The following DENND1A variants were observed in gnomAD, a reference collection of about 807,000 sequenced individuals.
DENND1A encodes DENN domain containing 1A.
Under a neutral mutation model 113.7 loss-of-function variants are expected in DENND1A, and 51 were observed. The observed-to-expected ratio is 0.45, with a 90% CI of 0.36 to 0.57. The LOEUF (loss-of-function observed/expected upper bound fraction) is 0.57, where lower values mean the gene tolerates loss of function less well. Among genes scored for constraint, DENND1A ranks in the 20% least tolerant of loss-of-function variants. The pLI is 0.00. For synonymous variants in DENND1A, 565 were observed against 570.8 expected, an observed-to-expected ratio of 0.99 and a Z score of 0.14; for missense variants, 1,258 against 1,395.9, an observed-to-expected ratio of 0.90 and a Z score of 1.57.
intron 5 of DENND1A, among the ~76,000 whole-genome samples, chr9:123,695,415 T>C (rs1433669375): frequency 6.6e-6 from 1 of 152,148 alleles, no homozygotes; most frequent in East Asian, 1.9e-4. Flanking sequence ...CTAACAAGGA[T>C]ACCAATTTTC....
At chr9:123,564,041 G>C (rs2057913237) in intron 12 of DENND1A, among the ~76,000 whole-genome samples, 1 of 152,120 alleles carries the variant, frequency 6.6e-6, no homozygotes, top group Non-Finnish European at 1.5e-5. Context: ...GCAGAGGAGG[G>C]AGGGCCTGTC....
At chr9:123,579,366 A>C (rs1330936061) in intron 12 of DENND1A, among the ~76,000 whole-genome samples, 1 of 152,158 alleles carries the variant, frequency 6.6e-6, no homozygotes, top group Non-Finnish European at 1.5e-5. Flanking sequence ...TTGAATCTCT[A>C]GGTAATGGGA....
intron 2 of DENND1A, among the ~76,000 whole-genome samples, chr9:123,817,225 GATT>G (rs992032134): frequency 7.2e-5 from 11 of 152,088 alleles, no homozygotes; most frequent in African/African-American, 2.2e-4. Context: ...CAAGATCAGA[GATT>G]ATTACCTTCC....
intron 3 of DENND1A, among the ~76,000 whole-genome samples, chr9:123,777,845 G>A (rs1451981129): frequency 6.6e-6 from 1 of 152,202 alleles, no homozygotes; most frequent in African/African-American, 2.4e-5. Context: ...GCTTTTGAGA[G>A]AGAATTATTT....
intron 16 of DENND1A, among the ~76,000 whole-genome samples, chr9:123,453,188 C>T (rs1247968104): frequency 1.3e-5 from 2 of 152,190 alleles, no homozygotes; most frequent in South Asian, 2.1e-4. Flanking sequence ...CCTTCCAAAA[C>T]CTCCAGCTGG....
chr9:123,730,607 C>A (rs913327744), intron 5 of DENND1A, among the ~76,000 whole-genome samples: 28 of 152,282 alleles, frequency 1.8e-4, no homozygotes, highest in African/African-American at 6.0e-4. Context: ...CAGGAAACAA[C>A]AGATGCAGGA....
In DENND1A at chr9:123,698,756, G is replaced by A. The variant is rs549877982; in HGVS notation, c.303-21967C>T. ...TGGCTCAAGCCACTGGCAACCAAAA[G>A]AACAGCTTGGCAGTTTGTGCACTGC... On this transcript the variant is annotated intron_variant, in intron 5 of 23. Transcript: ENST00000394215. Among the ~76,000 whole-genome samples the A allele has an allele frequency of 2.6e-5, 4 of 152,166 alleles. No homozygotes were observed. In the East Asian group the frequency reaches 7.7e-4, roughly 29 times the overall value.
intron 22 of DENND1A, among the ~76,000 whole-genome samples, chr9:123,384,522 A>G (rs576959071): frequency 5.9e-5 from 9 of 152,348 alleles, no homozygotes; most frequent in African/African-American, 2.2e-4. Context: ...TGGTGGTTAC[A>G]TGAGCAAATG....
chr9:123,582,705 TTTTTA>T (rs2058973120), intron 12 of DENND1A, among the ~76,000 whole-genome samples: 1 of 115,098 alleles, frequency 8.7e-6, no homozygotes, highest in Non-Finnish European at 2.0e-5. Flanking sequence ...GGCCATTTCT[TTTTTA>T]TTTTTTTGAG....
In DENND1A at chr9:123,381,474, G is replaced by C; in HGVS notation, c.3171C>G (p.Asp1057Glu). 1.2e-6 allele frequency: 2 copies of C among 1,613,590 alleles called. No individual in the cohort carries two copies. Among genetic ancestry groups the C allele is most frequent in the East Asian group, 4.5e-5 (2 of 44,864 alleles). ...SPSPALAPAP[D>E]SVEQLRKQWE... is the part of the protein sequence containing the mutation. Reference sequence around the variant, plus strand: ...ACTGCTTCCTGAGCTGCTCCACCGAGTCTGGGGCCGGGGCCAGGGCCGGAC... The same window carrying C: ...ACTGCTTCCTGAGCTGCTCCACCGACTCTGGGGCCGGGGCCAGGGCCGGAC... Residue 1057 changes from aspartate (D) to glutamate (E), a missense_variant, in exon 24 of 24, where the codon GAC becomes GAG. This residue lies in a region of DENND1A where 1,159 missense variants were observed against 1,231.7 expected (regional missense o/e 0.94). Coordinates refer to ENST00000394215, the MANE Select transcript of DENND1A (RefSeq NM_001352964.2). The surrounding 1 kb of genome is among the most constrained non-coding windows in gnomAD (Gnocchi z 4.7).
At chr9:123,842,024 T>A (rs556670744) in intron 2 of DENND1A, among the ~76,000 whole-genome samples, 1 of 152,342 alleles carries the variant, frequency 6.6e-6, no homozygotes, top group African/African-American at 2.4e-5. Context: ...GAAGAAATGT[T>A]TCATACCTCA....
chr9:123,809,069 G>C (rs947775244), intron 2 of DENND1A, among the ~76,000 whole-genome samples: 5 of 152,162 alleles, frequency 3.3e-5, no homozygotes, highest in Non-Finnish European at 7.3e-5. Context: ...CAGGGATGTG[G>C]GGAGACAGGA....
intron 17 of DENND1A, among the ~76,000 whole-genome samples, chr9:123,452,031 TCC>T (rs2047755128): frequency 1.1e-4 from 2 of 17,412 alleles, no homozygotes; most frequent in African/African-American, 2.3e-4. Flanking sequence ...GACCTGTCTC[TCC>T]AAAAAAAAAA....
intron 1 of DENND1A, among the ~76,000 whole-genome samples, chr9:123,916,669 G>C (rs534463116): frequency 6.6e-6 from 1 of 152,024 alleles, no homozygotes; most frequent in Non-Finnish European, 1.5e-5. Context: ...CACTGTGCCC[G>C]GCTGCCTTTT....
At chr9:123,414,350 T>C in intron 19 of DENND1A, 1 of 1,412,920 alleles carries the variant, frequency 7.1e-7, no homozygotes, top group Middle Eastern at 2.6e-4. Context: ...CTCCAGCCTC[T>C]CCCCCTCCCA....
chr9:123,737,810 A>G (rs1420475129), intron 5 of DENND1A, among the ~76,000 whole-genome samples: 1 of 152,180 alleles, frequency 6.6e-6, no homozygotes, highest in Non-Finnish European at 1.5e-5. Flanking sequence ...AAACAAAGAC[A>G]CCTGAATTCC....
intron 13 of DENND1A, among the ~76,000 whole-genome samples, chr9:123,516,471 T>C (rs1381773639): frequency 6.6e-6 from 1 of 152,176 alleles, no homozygotes; most frequent in Non-Finnish European, 1.5e-5. Flanking sequence ...TCAATGTCAC[T>C]AGTAATCAAG....
At chr9:123,470,679 G>A (rs191064037) in intron 13 of DENND1A, among the ~76,000 whole-genome samples, 10 of 152,276 alleles carry the variant, frequency 6.6e-5, no homozygotes, top group South Asian at 2.1e-4. Context: ...GCACAAATTC[G>A]TCTCCACAAA....
intron 19 of DENND1A, among the ~76,000 whole-genome samples, chr9:123,425,944 A>T (rs1197889338): frequency 2.0e-5 from 3 of 152,248 alleles, no homozygotes; most frequent in Non-Finnish European, 2.9e-5. Flanking sequence ...CCCAGTGCAG[A>T]TGCCCATGAA....
Sources: allele counts gnomAD v4.1 joint callset (sites outside exome capture counted in the v4.1 genomes callset), GRCh38; gene constraint gnomAD v4.1.1; regional missense constraint gnomAD v4.1.1; non-coding constraint Gnocchi (gnomAD v3.1); transcripts MANE v1.5; gene names NCBI Gene and HGNC (gene_info 2026-07-23, HGNC 2026-07-21).